The following ANKRD30B variants were observed in gnomAD, a reference collection of about 807,000 sequenced individuals.
ANKRD30B encodes ankyrin repeat domain 30B.
ANKRD30B carries 144 observed loss-of-function variants against 202.2 expected under a neutral mutation model. That is an observed-to-expected ratio of 0.71 (90% CI 0.62 to 0.82). The LOEUF (loss-of-function observed/expected upper bound fraction) is 0.82. ANKRD30B is among the 40% of genes least tolerant of loss of function. The probability of loss-of-function intolerance (pLI) is 0.00; values close to 1 mark genes in which losing one functional copy is unlikely to be tolerated. For synonymous variants in ANKRD30B, 508 were observed against 561.3 expected (o/e 0.91, Z 1.34); for missense variants, 1,487 against 1,669.1 (o/e 0.89, Z 1.90).
At chr18:14,819,026 G>A (rs576385048) in intron 30 of ANKRD30B, among the ~76,000 whole-genome samples, 20 of 152,136 alleles carry the variant, frequency 1.3e-4, no homozygotes, top group Non-Finnish European at 2.1e-4. Context: ...AGCACCTGTG[G>A]TTTTCTGACT....
chr18:14,856,571 G>GAT (rs1972114508), downstream of ANKRD30B, among the ~76,000 whole-genome samples: 2 of 114,336 alleles, frequency 1.7e-5, no homozygotes, highest in Non-Finnish European at 3.9e-5. Flanking sequence ...CTTCCCAGAT[G>GAT]GGGCGGCCGG....
intron 34 of ANKRD30B, among the ~76,000 whole-genome samples, chr18:14,834,966 T>G (rs1176264875): frequency 6.6e-6 from 1 of 151,986 alleles, no homozygotes; most frequent in African/African-American, 2.4e-5. Flanking sequence ...ACTTTTTGAT[T>G]CTTTGGTTTC....
chr18:14,936,393 C>A, the ANKRD30B span, among the ~76,000 whole-genome samples: 6 of 152,234 alleles, frequency 3.9e-5, no homozygotes, highest in Non-Finnish European at 7.4e-5. Context: ...TGCTTCCTTA[C>A]TTCCTTCCTT....
chr18:14,934,908 C>CCACACACACACACACACACA, the ANKRD30B span, among the ~76,000 whole-genome samples: 1 of 134,602 alleles, frequency 7.4e-6, no homozygotes, highest in African/African-American at 3.0e-5. Flanking sequence ...CCTCCCTCTA[C>CCACACACACACACACACACA]CACACACACA....
At chr18:14,921,338 A>C in the ANKRD30B span, among the ~76,000 whole-genome samples, 376 of 127,882 alleles carry the variant, frequency 2.9e-3, no homozygotes, top group African/African-American at 7.7e-3. Context: ...GCAGGAGACA[A>C]ATGAGGTGCG....
In ANKRD30B at chr18:14,808,544, C is replaced by G; in HGVS notation, c.2285-7C>G. The G allele has an allele frequency of 6.7e-7, 1 of 1,482,196 alleles. No homozygotes were observed. Among genetic ancestry groups the G allele is most frequent in the Non-Finnish European group, 9.4e-7 (1 of 1,065,952 alleles). The allele number at this position is 1,482,196 out of a possible 1,614,324, so 91.8% of individuals were successfully genotyped here. On this transcript the variant is annotated splice_region_variant and splice_polypyrimidine_tract_variant and intron_variant, in intron 24 of 43. Coordinates refer to ENST00000690538, the MANE Select transcript of ANKRD30B (RefSeq NM_001367607.2). ...ATAATCAATTATATATGTCCCTTTT[C>G]TTTTAGAGTCTCCTGATAAAGATGG...
At chr18:14,867,843 C>A in the ANKRD30B span, among the ~76,000 whole-genome samples, 3 of 152,196 alleles carry the variant, frequency 2.0e-5, no homozygotes, top group Non-Finnish European at 4.4e-5. Flanking sequence ...CCCCAGCCAC[C>A]CAGTGGCCAG....
At chr18:14,902,150 T>C in the ANKRD30B span, among the ~76,000 whole-genome samples, 1 of 152,114 alleles carries the variant, frequency 6.6e-6, no homozygotes, top group East Asian at 1.9e-4. Flanking sequence ...ACCGCTCCCA[T>C]GATTCAAATT....
At position 14,799,236 on chromosome 18, in the gene ANKRD30B, G is replaced by A. The variant is rs770905643; in HGVS notation, c.2072G>A (p.Arg691Lys). 6.4e-7 allele frequency: 1 copy of A among 1,566,376 alleles called. No individual in the cohort carries two copies. The highest frequency in any genetic ancestry group is 1.4e-5 in the African/African-American group (1 of 72,712). Residue 691 changes from arginine to lysine, a missense_variant, in exon 22 of 44, where the codon AGG (arginine) becomes AAG (lysine). Physicochemically the swap from Arg to Lys is conservative, Grantham distance 26 (BLOSUM62 2). This residue lies in a region of ANKRD30B where 889 missense variants were observed against 841.4 expected (regional missense o/e 1.06). Coordinates refer to ENST00000690538, the MANE Select transcript of ANKRD30B (RefSeq NM_001367607.2). ...AAACCCATTTAGCCTACCTGTGGAA[G>A]GAAAGTTTCTCTTCCAAATAAAGCT... ...NDGLLKPTCG[R>K]KVSLPNKALE...
chr18:14,818,608 G>A lies in ANKRD30B; in HGVS notation c.2642-3875G>A, dbSNP rs199705115. The stretch of plus-strand genomic sequence containing the variant: ...TTCCCACCTATTAGTGAGAATATGC[G>A]GTGTTTGGTTTCTTGTTCTTGTGAT... On this transcript the variant is annotated intron_variant, in intron 30 of 43. Transcript: ENST00000690538. Among the ~76,000 whole-genome samples the A allele has an allele frequency of 3.7e-3, 544 of 148,112 alleles. 4 individuals are homozygous for A. Among genetic ancestry groups the A allele is most frequent in the African/African-American group, 0.012 (481 of 40,024 alleles).
the ANKRD30B span, among the ~76,000 whole-genome samples, chr18:14,870,629 C>T: frequency 1.3e-5 from 2 of 152,278 alleles, no homozygotes; most frequent in East Asian, 1.9e-4. Flanking sequence ...CTTAGGCATC[C>T]ACCTAGTGGG....
chr18:14,763,644 T>C, intron 6 of ANKRD30B, 42 bp from the exon 7 acceptor site: 1 of 1,600,854 alleles, frequency 6.2e-7, no homozygotes, highest in Non-Finnish European at 8.5e-7. Flanking sequence ...GAGGATGATA[T>C]TTAAGCAGAA....
intron 34 of ANKRD30B, among the ~76,000 whole-genome samples, chr18:14,833,129 G>A (rs1263714441): frequency 6.6e-6 from 1 of 152,068 alleles, no homozygotes; most frequent in Admixed American, 6.6e-5. Context: ...TAGAGACAGG[G>A]TGTCACCATG....
chr18:14,935,034 C>T, the ANKRD30B span, among the ~76,000 whole-genome samples: 1 of 152,168 alleles, frequency 6.6e-6, no homozygotes, highest in East Asian at 1.9e-4. Context: ...GGACCCTGGG[C>T]TCAGGCCAAC....
chr18:14,756,050 T>G (rs1240961487), intron 4 of ANKRD30B, among the ~76,000 whole-genome samples: 1 of 152,190 alleles, frequency 6.6e-6, no homozygotes, highest in Non-Finnish European at 1.5e-5. Context: ...TTTCTCCACA[T>G]CCTCTCCAGC....
the ANKRD30B span, chr18:14,883,395 C>CTA: frequency 5.3e-5 from 4 of 74,890 alleles, no homozygotes; most frequent in African/African-American, 2.0e-4. Context: ...CTCTCTCTCT[C>CTA]TCTCTATATA....
chr18:14,936,732 C>T, the ANKRD30B span, among the ~76,000 whole-genome samples: 1 of 152,168 alleles, frequency 6.6e-6, no homozygotes, highest in Non-Finnish European at 1.5e-5. Context: ...TCCTGAAAGC[C>T]TACTGCTCTA....
chr18:14,758,047 A>C, intron 5 of ANKRD30B, 95 bp downstream of exon 5: 1 of 1,393,696 alleles, frequency 7.2e-7, no homozygotes, highest in Non-Finnish European at 9.6e-7. Context: ...TCAGCCAGAA[A>C]CTAGGCAAAA....
intron 7 of ANKRD30B, among the ~76,000 whole-genome samples, chr18:14,765,288 C>T (rs1428223935): frequency 1.3e-5 from 2 of 151,858 alleles, no homozygotes; most frequent in Non-Finnish European, 2.9e-5. Flanking sequence ...TATGGTGAAG[C>T]CCCATCTCTA....
Sources: gnomAD v4.1 joint callset for allele counts (sites outside exome capture counted in the v4.1 genomes callset) on GRCh38, gnomAD v4.1.1 for gene constraint, gnomAD v4.1.1 regional missense constraint, MANE v1.5 for transcripts, NCBI Gene and HGNC (gene_info 2026-07-23, HGNC 2026-07-21) for gene names.